Variants in CRYBG1 observed in about 807,000 individuals in gnomAD.
CRYBG1 encodes crystallin beta-gamma domain containing 1.
A neutral mutation model predicts 189.2 loss-of-function variants in CRYBG1; 139 were observed. The ratio of observed to expected loss-of-function variants is 0.73; its 90% CI spans 0.64 to 0.85. CRYBG1 has a LOEUF of 0.85. Among genes scored for constraint, CRYBG1 ranks in the 40% least tolerant of loss-of-function variants. CRYBG1 has a pLI of 0.00. For synonymous variants in CRYBG1, 1,023 were observed against 1,017.1 expected, an observed-to-expected ratio of 1.01 and a Z score of -0.11; for missense variants, 2,611 against 2,675.8, an observed-to-expected ratio of 0.98 and a Z score of 0.53.
chr6:106,400,336 G>A (rs1770698971), intron 1 of CRYBG1, among the ~76,000 whole-genome samples: 2 of 152,242 alleles, frequency 1.3e-5, no homozygotes, highest in African/African-American at 2.4e-5. Context: ...CACATATAAT[G>A]ATAGACATTG....
At chr6:106,385,096 T>C (rs1361390627) in intron 1 of CRYBG1, among the ~76,000 whole-genome samples, 1 of 152,166 alleles carries the variant, frequency 6.6e-6, no homozygotes, top group East Asian at 1.9e-4. Context: ...TTGCCACTGA[T>C]TCTGTGTCAC....
intron 2 of CRYBG1, among the ~76,000 whole-genome samples, chr6:106,473,728 C>T (rs1162079262): frequency 6.6e-6 from 1 of 152,214 alleles, no homozygotes; most frequent in Non-Finnish European, 1.5e-5. Context: ...TCCTGATCTA[C>T]TCTTAATGCC....
chr6:106,511,839 A>G lies in CRYBG1; in HGVS notation c.722A>G (p.Glu241Gly), dbSNP rs1196174358. 15 of 1,514,376 alleles carry G rather than the reference A, an allele frequency of 9.9e-6. No individual in the cohort carries two copies. Among genetic ancestry groups the G allele is most frequent in the African/African-American group, 6.9e-5 (5 of 72,468 alleles). The allele number at this position is 1,514,376 out of a possible 1,614,324, so 93.8% of individuals were successfully genotyped here. A position where few individuals can be genotyped will look rare whatever the true frequency, so the allele number is the denominator to read the frequency against. ...DSPQLEPLEA[E>G]GEPFPDATTT... ...CCCCAATTAGAACCTCTGGAGGCAG[A>G]GGGAGAGCCTTTCCCAGATGCCACC... Residue 241 changes from glutamate to glycine, a missense_variant, in exon 3 of 22, where the codon GAG becomes GGG. By Grantham distance (98) the Glu-to-Gly change is moderately conservative (BLOSUM62 -2). Transcript: ENST00000633556.
intron 2 of CRYBG1, among the ~76,000 whole-genome samples, chr6:106,473,782 G>C (rs1212156907): frequency 6.6e-6 from 1 of 152,118 alleles, no homozygotes; most frequent in Non-Finnish European, 1.5e-5. Context: ...TTTCTCAATT[G>C]TTTTCTTACT....
At chr6:106,395,174 C>G (rs903568552) in intron 1 of CRYBG1, among the ~76,000 whole-genome samples, 1 of 151,702 alleles carries the variant, frequency 6.6e-6, no homozygotes, top group Non-Finnish European at 1.5e-5. Flanking sequence ...GTGGGCTGAT[C>G]GCTTGAGCTC....
At chr6:106,499,281 T>C (rs1255056718) in intron 2 of CRYBG1, among the ~76,000 whole-genome samples, 1 of 150,824 alleles carries the variant, frequency 6.6e-6, no homozygotes, top group Non-Finnish European at 1.5e-5. Flanking sequence ...GCCTCCCAAG[T>C]AGCTGGGATT....
In CRYBG1 at chr6:106,517,303, TAC is replaced by T. The variant is rs754971135; in HGVS notation, c.1923-1814_1923-1813del. Among the ~76,000 whole-genome samples the T allele has an allele frequency of 3.4e-3, 468 of 136,130 alleles. 8 individuals carry two copies. Among genetic ancestry groups the T allele is most frequent in the African/African-American group, 1.0e-2 (318 of 31,866 alleles). The allele number at this position is 136,130 out of a possible 152,430, so 89.3% of individuals were successfully genotyped here. On this transcript the variant is annotated intron_variant, in intron 3 of 21. Coordinates refer to ENST00000633556, the MANE Select transcript of CRYBG1 (RefSeq NM_001371242.2). ...TGGAATATATATATACATATATATA[TAC>T]ACACACACACACATATATATATACA... is the stretch of plus-strand genomic sequence containing the variant.
chr6:106,535,515 G>T (rs1773984357), intron 8 of CRYBG1, among the ~76,000 whole-genome samples: 1 of 152,030 alleles, frequency 6.6e-6, no homozygotes, highest in South Asian at 2.1e-4. Context: ...CTTTCTAATG[G>T]TATTCCCCTG....
At chr6:106,525,000 C>A in intron 4 of CRYBG1, 133 bp from the exon 5 acceptor site, 1 of 830,156 alleles carries the variant, frequency 1.2e-6, no homozygotes, top group Non-Finnish European at 2.0e-6. Flanking sequence ...ACTTTAGCAT[C>A]CATTAGAGTG....
At position 106,442,509 on chromosome 6, in the gene CRYBG1, G is replaced by A. The variant is rs1173033148; in HGVS notation, c.174-9185G>A. Among the ~76,000 whole-genome samples the A allele has an allele frequency of 2.6e-5, 4 of 152,328 alleles. No individual in the cohort carries two copies. In the East Asian group the frequency reaches 7.7e-4, roughly 29 times the overall value. Reference sequence around the variant, plus strand: ...TGTGTGCCATCACCACAGACTTCTGGAAAATAATAACCAACAGACCAGTTT... The same window carrying A: ...TGTGTGCCATCACCACAGACTTCTGAAAAATAATAACCAACAGACCAGTTT... On this transcript the variant is annotated intron_variant, in intron 1 of 21. Transcript: ENST00000633556.
chr6:106,455,524 T>C (rs568377814), intron 2 of CRYBG1, among the ~76,000 whole-genome samples: 1 of 151,978 alleles, frequency 6.6e-6, no homozygotes, highest in Non-Finnish European at 1.5e-5. Context: ...TTGAGTAATG[T>C]ATTATTAATT....
At chr6:106,426,844 T>C (rs1410360609) in intron 1 of CRYBG1, among the ~76,000 whole-genome samples, 1 of 152,196 alleles carries the variant, frequency 6.6e-6, no homozygotes. Flanking sequence ...CCTAAATGAA[T>C]TCCTTCAACA....
chr6:106,562,414 C>T (rs1010666027), intron 20 of CRYBG1, among the ~76,000 whole-genome samples: 2 of 152,192 alleles, frequency 1.3e-5, no homozygotes, highest in Admixed American at 1.3e-4. Context: ...TGTTATTTAA[C>T]AACTTTGAAT....
intron 1 of CRYBG1, among the ~76,000 whole-genome samples, chr6:106,384,687 A>G (rs1770350797): frequency 6.6e-6 from 1 of 152,094 alleles, no homozygotes; most frequent in South Asian, 2.1e-4. Context: ...TCCATCCAGA[A>G]TGTATGGAGA....
intron 1 of CRYBG1, among the ~76,000 whole-genome samples, chr6:106,372,999 G>T (rs1169822471): frequency 6.6e-6 from 1 of 152,180 alleles, no homozygotes; most frequent in African/African-American, 2.4e-5. Context: ...TGAACGAGTA[G>T]TTGGTAGAGG....
chr6:106,446,140 C>T (rs916129949), intron 1 of CRYBG1, among the ~76,000 whole-genome samples: 1 of 152,176 alleles, frequency 6.6e-6, no homozygotes, highest in Non-Finnish European at 1.5e-5. Context: ...TGGTATGTGT[C>T]CGTAATCTAA....
At chr6:106,476,522 A>C (rs927013) in intron 2 of CRYBG1, among the ~76,000 whole-genome samples, 1 of 152,160 alleles carries the variant, frequency 6.6e-6, no homozygotes, top group Admixed American at 6.5e-5. Flanking sequence ...ATTTCCTGGC[A>C]GCTATGACAC....
intron 13 of CRYBG1, among the ~76,000 whole-genome samples, chr6:106,548,283 C>T (rs963314441): frequency 6.6e-6 from 1 of 152,190 alleles, no homozygotes; most frequent in East Asian, 1.9e-4. Flanking sequence ...TTTGCGGCTT[C>T]TCCCCTCCCC....
chr6:106,522,332 A>C (rs17495512), intron 4 of CRYBG1, among the ~76,000 whole-genome samples: 5,602 of 148,334 alleles, frequency 0.038, 142 homozygotes, highest in Non-Finnish European at 0.054. Context: ...ATTGGGAATT[A>C]GTTTTCATTA....
Sources: gnomAD v4.1 joint callset for allele counts (sites outside exome capture counted in the v4.1 genomes callset) on GRCh38, gnomAD v4.1.1 for gene constraint, MANE v1.5 for transcripts, NCBI Gene and HGNC (gene_info 2026-07-23, HGNC 2026-07-21) for gene names.